Variants in SPECC1 observed in about 807,000 individuals in gnomAD.
SPECC1 encodes the protein cytospin-B.
A neutral mutation model predicts 104.1 loss-of-function variants in SPECC1; 62 were observed. The ratio of observed to expected loss-of-function variants is 0.60; its 90% CI spans 0.49 to 0.74. The LOEUF is 0.74. Ranked by LOEUF, SPECC1 falls within the 30% of genes least tolerant of loss-of-function variation. The pLI is 0.00. For missense variants in SPECC1, 1,306 were observed against 1,310.5 expected (o/e 1.00, Z 0.05); for synonymous variants, 513 against 501.6 (o/e 1.02, Z -0.30).
intron 3 of SPECC1, among the ~76,000 whole-genome samples, chr17:20,113,310 G>A (rs899288374): frequency 2.6e-5 from 4 of 152,144 alleles, no homozygotes; most frequent in African/African-American, 4.8e-5. Flanking sequence ...TAGGCATGAT[G>A]TGGAAATACC....
At chr17:20,206,534 A>G (rs1276028492) in intron 4 of SPECC1, among the ~76,000 whole-genome samples, 1 of 152,212 alleles carries the variant, frequency 6.6e-6, no homozygotes, top group African/African-American at 2.4e-5. Context: ...GCATATTCCT[A>G]TCATTAAATA....
At chr17:20,223,162 T>A (rs984825533) in intron 4 of SPECC1, among the ~76,000 whole-genome samples, 3 of 152,166 alleles carry the variant, frequency 2.0e-5, no homozygotes, top group African/African-American at 7.2e-5. Flanking sequence ...TTAAAGCCAA[T>A]AACTTACTAG....
chr17:20,076,788 A>C (rs140968872), intron 1 of SPECC1, among the ~76,000 whole-genome samples: 1 of 152,160 alleles, frequency 6.6e-6, no homozygotes, highest in East Asian at 1.9e-4. Flanking sequence ...AGTGTGGGGG[A>C]GCACTTGTTT....
At chr17:20,203,412 AG>A (rs1261826447) in intron 3 of SPECC1, among the ~76,000 whole-genome samples, 2 of 152,246 alleles carry the variant, frequency 1.3e-5, no homozygotes, top group Non-Finnish European at 2.9e-5. Flanking sequence ...TCTGTGATAT[AG>A]TACAGATGAA....
intron 3 of SPECC1, among the ~76,000 whole-genome samples, chr17:20,181,466 T>A (rs1004164590): frequency 2.4e-4 from 36 of 152,134 alleles, no homozygotes; most frequent in African/African-American, 7.7e-4. Flanking sequence ...AAAAATTAAA[T>A]CTGCAGCAAT....
chr17:20,107,186 G>GA (rs2048263931), intron 2 of SPECC1, among the ~76,000 whole-genome samples: 1 of 122,434 alleles, frequency 8.2e-6, no homozygotes, highest in South Asian at 2.7e-4. Context: ...AAAAACAAAA[G>GA]AAAATGTGAT....
chr17:20,112,817 G>T (rs530185583), intron 3 of SPECC1: 1 of 1,571,760 alleles, frequency 6.4e-7, no homozygotes, highest in Admixed American at 1.7e-5. Context: ...CTTAAAAAAT[G>T]CAAAGTTGAA....
In SPECC1 at chr17:20,104,300, G is replaced by C. The variant is rs533561555; in HGVS notation, c.148-6127G>C. On this transcript the variant is annotated intron_variant, in intron 2 of 14. Transcript: ENST00000395527. ...AGCTAATCAGCCCAGACAGTGTGGG[G>C]TATTTTTGTATTCTCTGCTGTTTGT... Among the ~76,000 whole-genome samples, 3 of 152,270 alleles carry C rather than the reference G, an allele frequency of 2.0e-5. No individual in the cohort carries two copies. The East Asian group carries it at 5.8e-4, about 29-fold the overall frequency.
intron 3 of SPECC1, among the ~76,000 whole-genome samples, chr17:20,186,392 G>T (rs943779131): frequency 1.3e-5 from 2 of 152,178 alleles, no homozygotes; most frequent in African/African-American, 4.8e-5. Flanking sequence ...AGCCCATTCT[G>T]TTGGAGAAAT....
chr17:20,122,807 G>T (rs930751929), intron 3 of SPECC1, among the ~76,000 whole-genome samples: 6 of 152,170 alleles, frequency 3.9e-5, no homozygotes, highest in African/African-American at 1.4e-4. Context: ...GCATGTGTCA[G>T]AATTTCCTTC....
Position 20,257,469 on chromosome 17 carries a change from C to G in SPECC1, c.2699C>G (p.Thr900Ser), listed in dbSNP as rs751747892. 2 of 1,593,602 alleles carry G rather than the reference C, an allele frequency of 1.3e-6. No individual in the cohort carries two copies. The highest frequency in any genetic ancestry group is 1.7e-6 in the Non-Finnish European group (2 of 1,174,232). ...CCCACAGATATTCTAAAGGGAAGGA[C>G]TGAGACCCTGAAGCCAGACCCCCAC... Reference protein sequence around the residue: ...LPLSDILKGRTETLKPDPHLR... With the variant: ...LPLSDILKGRSETLKPDPHLR... Residue 900 changes from threonine (T) to serine (S), a missense_variant, in exon 11 of 15, where the codon ACT becomes AGT. By Grantham distance (58) the Thr-to-Ser change is moderately conservative. This residue lies in a region of SPECC1 where 1,177 missense variants were observed against 1,139.9 expected (regional missense o/e 1.03). Transcript: ENST00000395527.
rs975429717 is a variant in SPECC1 at position 20,295,273 on chromosome 17, T to C, written c.2941-1688T>C. Among the ~76,000 whole-genome samples the C allele has an allele frequency of 2.0e-5, 3 of 150,698 alleles. No homozygotes were observed. The South Asian group carries it at 6.3e-4, about 32-fold the overall frequency. ...CCTATGAGTGAGAACATGCAGTGTT[T>C]GGTTTTCTGTCCTTGTGATAGTTTA... On this transcript the variant is annotated intron_variant, in intron 12 of 14. Transcript: ENST00000395527.
chr17:20,143,643 G>A (rs2031109518), intron 3 of SPECC1, among the ~76,000 whole-genome samples: 1 of 152,002 alleles, frequency 6.6e-6, no homozygotes. Flanking sequence ...ACTCCAGCCT[G>A]TGCAACAGAG....
intron 3 of SPECC1, among the ~76,000 whole-genome samples, chr17:20,136,086 T>C (rs532678874): frequency 6.6e-6 from 1 of 152,134 alleles, no homozygotes; most frequent in Non-Finnish European, 1.5e-5. Flanking sequence ...TCCTAGAGTT[T>C]GGCTTATTTT....
At chr17:20,013,763 A>G (rs927826600) in intron 1 of SPECC1, among the ~76,000 whole-genome samples, 3 of 149,762 alleles carry the variant, frequency 2.0e-5, no homozygotes, top group African/African-American at 7.7e-5. Context: ...TTACCCGCCC[A>G]AAGTGCTGAG....
At chr17:20,265,631 A>C (rs1022738794) in intron 12 of SPECC1, among the ~76,000 whole-genome samples, 2 of 152,130 alleles carry the variant, frequency 1.3e-5, no homozygotes, top group Admixed American at 6.5e-5. Flanking sequence ...ATTTTGCTGC[A>C]CTTGCTTTTG....
chr17:20,104,221 C>T (rs1377631810), intron 2 of SPECC1, among the ~76,000 whole-genome samples: 6 of 152,082 alleles, frequency 3.9e-5, no homozygotes, highest in South Asian at 2.1e-4. Context: ...AAACAGAAGG[C>T]GTGATGAGTA....
intron 3 of SPECC1, among the ~76,000 whole-genome samples, chr17:20,166,796 C>G (rs1020903010): frequency 2.0e-5 from 3 of 152,092 alleles, no homozygotes; most frequent in Admixed American, 1.3e-4. Flanking sequence ...ATTAAAAAAA[C>G]CTCAGCAAAC....
At chr17:20,271,466 CT>C (rs1455487558) in intron 12 of SPECC1, among the ~76,000 whole-genome samples, 3 of 152,116 alleles carry the variant, frequency 2.0e-5, no homozygotes, top group Non-Finnish European at 4.4e-5. Context: ...ACTGCTGCAG[CT>C]TTTTCTTTTA....
Sources: allele counts gnomAD v4.1 joint callset (sites outside exome capture counted in the v4.1 genomes callset), GRCh38; gene constraint gnomAD v4.1.1; regional missense constraint gnomAD v4.1.1; transcripts MANE v1.5; gene names NCBI Gene and HGNC (gene_info 2026-07-23, HGNC 2026-07-21).